The following GRHL2 variants were observed in gnomAD, a reference collection of about 807,000 sequenced individuals.
The protein encoded by GRHL2 is grainyhead like transcription factor 2, also known as grainyhead-like protein 2 homolog.
Under a neutral mutation model 83.8 loss-of-function variants are expected in GRHL2, and 21 were observed. That is an observed-to-expected ratio of 0.25 (90% CI 0.18 to 0.36). GRHL2 has a LOEUF of 0.36. Among genes scored for constraint, GRHL2 ranks in the 10% least tolerant of loss-of-function variants. The pLI, the probability that GRHL2 is intolerant of heterozygous loss-of-function variation, is 1.00. For synonymous variants in GRHL2, 280 were observed against 278.9 expected (o/e 1.00, Z -0.04); for missense variants, 623 against 781.8 (o/e 0.80, Z 2.42).
chr8:101,557,508 G>A (rs1302664075), intron 3 of GRHL2, among the ~76,000 whole-genome samples: 2 of 152,072 alleles, frequency 1.3e-5, no homozygotes, highest in African/African-American at 2.4e-5. Context: ...ACAGGCGTGA[G>A]TCACCGCACC....
chr8:101,504,824 G>A (rs575273478), intron 1 of GRHL2, among the ~76,000 whole-genome samples: 48 of 151,922 alleles, frequency 3.2e-4, no homozygotes, highest in Non-Finnish European at 1.2e-4. Flanking sequence ...TACTGCACGC[G>A]TCTTTAATGG....
intron 5 of GRHL2, among the ~76,000 whole-genome samples, chr8:101,572,375 G>A (rs1811844734): frequency 6.6e-6 from 1 of 152,118 alleles, no homozygotes; most frequent in Non-Finnish European, 1.5e-5. Context: ...ATTAGCTTAA[G>A]CCTAAGATTT....
chr8:101,596,240 A>G (rs1422369455), intron 7 of GRHL2, among the ~76,000 whole-genome samples: 2 of 152,220 alleles, frequency 1.3e-5, no homozygotes, highest in African/African-American at 4.8e-5. Context: ...ATAAATTACA[A>G]ATTAAAATAA....
chr8:101,502,240 A>G (rs892695896), intron 1 of GRHL2, among the ~76,000 whole-genome samples: 4 of 152,214 alleles, frequency 2.6e-5, no homozygotes, highest in African/African-American at 9.7e-5. Flanking sequence ...ATCTCCGTGA[A>G]TAATTACCTG....
chr8:101,604,468 G>A (rs1156642185), intron 8 of GRHL2, among the ~76,000 whole-genome samples: 1 of 152,142 alleles, frequency 6.6e-6, no homozygotes, highest in East Asian at 1.9e-4. Flanking sequence ...TGTTCGCAGT[G>A]ATTTTAAGAT....
intron 1 of GRHL2, among the ~76,000 whole-genome samples, chr8:101,499,241 TAATTC>T (rs1810172532): frequency 6.6e-6 from 1 of 152,258 alleles, no homozygotes; most frequent in Non-Finnish European, 1.5e-5. Flanking sequence ...AAGTTTTAGA[TAATTC>T]AGGCAACTGC....
At chr8:101,606,436 C>A (rs1162870953) in intron 8 of GRHL2, among the ~76,000 whole-genome samples, 1 of 152,184 alleles carries the variant, frequency 6.6e-6, no homozygotes, top group Non-Finnish European at 1.5e-5. Flanking sequence ...GAGGTATCAT[C>A]TAAGAACTGA....
At chr8:101,546,128 C>T (rs1392839550) in intron 2 of GRHL2, among the ~76,000 whole-genome samples, 2 of 152,054 alleles carry the variant, frequency 1.3e-5, no homozygotes, top group African/African-American at 4.8e-5. Flanking sequence ...GATCTGCCCT[C>T]CTCAACCTCC....
intron 1 of GRHL2, among the ~76,000 whole-genome samples, chr8:101,531,911 A>C (rs1810937233): frequency 1.3e-5 from 2 of 152,204 alleles, no homozygotes; most frequent in Non-Finnish European, 2.9e-5. Context: ...ATTTCAATGG[A>C]CATAAATTTT....
chr8:101,604,318 G>A (rs1290170482), intron 8 of GRHL2, among the ~76,000 whole-genome samples: 2 of 152,008 alleles, frequency 1.3e-5, no homozygotes, highest in Non-Finnish European at 2.9e-5. Flanking sequence ...TCCTGGCACC[G>A]AGCACTGCCT....
chr8:101,604,145 A>G (rs184190690), intron 8 of GRHL2, among the ~76,000 whole-genome samples: 36 of 152,052 alleles, frequency 2.4e-4, no homozygotes, highest in African/African-American at 8.2e-4. Flanking sequence ...CTTCTGTGTC[A>G]TATTCTTTCA....
At chr8:101,550,639 T>C (rs1283672765) in intron 2 of GRHL2, among the ~76,000 whole-genome samples, 1 of 152,238 alleles carries the variant, frequency 6.6e-6, no homozygotes, top group Non-Finnish European at 1.5e-5. Flanking sequence ...TTAACCATTA[T>C]TAAGTGTCCA....
Position 101,666,936 on chromosome 8 carries a change from C to A in GRHL2, c.*233C>A, listed in dbSNP as rs1235647576. On this transcript the variant is annotated 3_prime_UTR_variant, in exon 16 of 16. Transcript: ENST00000646743. ...AGCCCCTCAGGAAGGTGCCTTAGGC[C>A]TGTTGGATTCCTATTTATTGCCCAC... 11 of 595,546 alleles carry A rather than the reference C, an allele frequency of 1.8e-5. No individual in the cohort carries two copies. Among genetic ancestry groups the A allele is most frequent in the Non-Finnish European group, 3.3e-5 (11 of 333,780 alleles). 36.9% of individuals were successfully genotyped at this position (595,546 alleles called of 1,614,324 possible).
At chr8:101,678,211 G>C in the GRHL2 span, among the ~76,000 whole-genome samples, 85 of 152,302 alleles carry the variant, frequency 5.6e-4, no homozygotes, top group African/African-American at 2.0e-3. Context: ...AGTGGGCGCA[G>C]GTCAGTGGGT....
intron 7 of GRHL2, 106 bp downstream of exon 7, chr8:101,577,625 T>TA (rs1397174342): frequency 2.6e-6 from 2 of 770,292 alleles, no homozygotes; most frequent in Non-Finnish European, 4.5e-6. Context: ...ACAGAGCTCT[T>TA]ATGATGTGCC....
chr8:101,634,468 G>A (rs1400438197), intron 11 of GRHL2, among the ~76,000 whole-genome samples: 1 of 152,190 alleles, frequency 6.6e-6, no homozygotes, highest in Non-Finnish European at 1.5e-5. Flanking sequence ...ATGGAGCAGA[G>A]ATTGGCTAAC....
chr8:101,571,868 C>T (rs531181356), intron 5 of GRHL2, among the ~76,000 whole-genome samples: 4 of 152,226 alleles, frequency 2.6e-5, no homozygotes, highest in East Asian at 3.9e-4. Flanking sequence ...GTCTAATTTG[C>T]GTGCTGTAAA....
At chr8:101,648,565 G>A (rs1236638891) in intron 13 of GRHL2, among the ~76,000 whole-genome samples, 2 of 152,122 alleles carry the variant, frequency 1.3e-5, no homozygotes, top group Admixed American at 6.5e-5. Context: ...TCCATGTTTC[G>A]CAGAGAAGAC....
At chr8:101,544,591 T>C (rs1462267644) in intron 2 of GRHL2, among the ~76,000 whole-genome samples, 1 of 152,198 alleles carries the variant, frequency 6.6e-6, no homozygotes, top group Non-Finnish European at 1.5e-5. Context: ...GCCTTGATTG[T>C]AAACACCTTT....
Sources: gnomAD v4.1 joint callset for allele counts (sites outside exome capture counted in the v4.1 genomes callset) on GRCh38, gnomAD v4.1.1 for gene constraint, MANE v1.5 for transcripts, NCBI Gene and HGNC (gene_info 2026-07-23, HGNC 2026-07-21) for gene names.